The following SEPTIN7 variants were observed in gnomAD, a reference collection of about 807,000 sequenced individuals.
The protein encoded by SEPTIN7 is septin-7.
In SEPTIN7, 10 loss-of-function variants were observed where a neutral mutation model predicts 63.3. That is an observed-to-expected ratio of 0.16 (90% CI 0.10 to 0.27). SEPTIN7 has a LOEUF of 0.27. Among genes scored for constraint, SEPTIN7 ranks in the 10% least tolerant of loss-of-function variants. SEPTIN7 has a pLI of 1.00. For missense variants in SEPTIN7, 310 were observed against 521.0 expected, an observed-to-expected ratio of 0.59 and a Z score of 3.94; for synonymous variants, 131 against 165.3, an observed-to-expected ratio of 0.79 and a Z score of 1.59.
chr7:35,899,465 G>C (rs1175331119), intron 12 of SEPTIN7: 1 of 152,412 alleles, frequency 6.6e-6, no homozygotes, highest in Non-Finnish European at 1.5e-5. Context: ...AACCTGGGAG[G>C]CGGAGGTTGC....
chr7:35,860,439 A>G (rs1276810925), intron 3 of SEPTIN7, among the ~76,000 whole-genome samples: 1 of 151,986 alleles, frequency 6.6e-6, no homozygotes, highest in African/African-American at 2.4e-5. Context: ...CCTTTACGGG[A>G]TCTTTATATC....
chr7:35,909,837 T>G (rs1389997135), downstream of SEPTIN7, among the ~76,000 whole-genome samples: 3 of 152,268 alleles, frequency 2.0e-5, no homozygotes, highest in Non-Finnish European at 2.9e-5. Flanking sequence ...CAACAAAATT[T>G]AAACCACAAC....
intron 1 of SEPTIN7, among the ~76,000 whole-genome samples, chr7:35,820,595 T>C (rs896960467): frequency 5.3e-5 from 8 of 152,192 alleles, no homozygotes; most frequent in African/African-American, 1.7e-4. Context: ...TTTGATATTA[T>C]CTATTTGATG....
chr7:35,872,555 T>C, intron 4 of SEPTIN7, 111 bp from the exon 5 acceptor site: 2 of 743,974 alleles, frequency 2.7e-6, no homozygotes, highest in Non-Finnish European at 4.8e-6. Flanking sequence ...TTTAGTTTGC[T>C]AACAGTTTCC....
intron 3 of SEPTIN7, among the ~76,000 whole-genome samples, chr7:35,842,985 A>T (rs1447375351): frequency 6.6e-6 from 1 of 152,178 alleles, no homozygotes; most frequent in African/African-American, 2.4e-5. Context: ...TGCACACTTA[A>T]ATCTCCAATT....
chr7:35,889,392 A>G (rs1315445826), intron 10 of SEPTIN7, among the ~76,000 whole-genome samples: 5 of 152,200 alleles, frequency 3.3e-5, no homozygotes, highest in East Asian at 1.9e-4. Flanking sequence ...GGAGTCAACT[A>G]TCAGAGAATT....
At chr7:35,872,551 T>G in intron 4 of SEPTIN7, 115 bp from the exon 5 acceptor site, 1 of 720,018 alleles carries the variant, frequency 1.4e-6, no homozygotes, top group Non-Finnish European at 2.5e-6. Context: ...TAGATTTAGT[T>G]TGCTAACAGT....
chr7:35,903,965 G>A (rs1788476537), intron 13 of SEPTIN7, among the ~76,000 whole-genome samples: 1 of 152,140 alleles, frequency 6.6e-6, no homozygotes, highest in South Asian at 2.1e-4. Context: ...TTTTTAGTTT[G>A]TGCTGTTTCA....
At chr7:35,894,984 T>C (rs1376723336) in intron 11 of SEPTIN7, among the ~76,000 whole-genome samples, 1 of 152,156 alleles carries the variant, frequency 6.6e-6, no homozygotes, top group African/African-American at 2.4e-5. Flanking sequence ...AGCTAAATCA[T>C]TGGGGGTTTA....
chr7:35,849,397 C>T (rs1168598971), intron 3 of SEPTIN7, among the ~76,000 whole-genome samples: 2 of 152,120 alleles, frequency 1.3e-5, no homozygotes, highest in African/African-American at 4.8e-5. Flanking sequence ...AGATCCCTCA[C>T]ATGTGCAGTG....
intron 3 of SEPTIN7, among the ~76,000 whole-genome samples, chr7:35,860,295 A>G (rs1785436511): frequency 6.6e-6 from 1 of 152,102 alleles, no homozygotes; most frequent in Admixed American, 6.5e-5. Context: ...TTACATTATT[A>G]TACATTATGT....
intron 10 of SEPTIN7, among the ~76,000 whole-genome samples, chr7:35,890,363 T>C (rs1787556631): frequency 6.6e-6 from 1 of 151,792 alleles, no homozygotes; most frequent in Non-Finnish European, 1.5e-5. Flanking sequence ...AGTATTTAAA[T>C]AGATAATATA....
chr7:35,806,365 A>G (rs1788339808), intron 1 of SEPTIN7, among the ~76,000 whole-genome samples: 1 of 152,202 alleles, frequency 6.6e-6, no homozygotes, highest in Admixed American at 6.5e-5. Context: ...GACATAGAAC[A>G]TTATGCTAGG....
At chr7:35,816,663 G>A (rs781645604) in intron 1 of SEPTIN7, among the ~76,000 whole-genome samples, 63 of 152,262 alleles carry the variant, frequency 4.1e-4, no homozygotes, top group Admixed American at 7.9e-4. Flanking sequence ...CCTGACTGCC[G>A]AAGCAGCTGC....
At chr7:35,884,138 T>G (rs1787076280) in intron 9 of SEPTIN7, among the ~76,000 whole-genome samples, 151 bp downstream of exon 9, 1 of 152,206 alleles carries the variant, frequency 6.6e-6, no homozygotes, top group African/African-American at 2.4e-5. Context: ...AGTCTCAATT[T>G]TCTCTTTAAG....
rs1037871857 is a variant in SEPTIN7 at position 35,904,426 on chromosome 7, A to T, written c.*133A>T. 8 of 509,098 alleles carry T rather than the reference A, an allele frequency of 1.6e-5. No homozygotes were observed. The highest frequency in any genetic ancestry group is 4.3e-5 in the South Asian group (1 of 23,126). 31.5% of individuals were successfully genotyped at this position (509,098 alleles called of 1,614,324 possible). On this transcript the variant is annotated 3_prime_UTR_variant, in exon 14 of 14. Coordinates refer to ENST00000350320, the MANE Select transcript of SEPTIN7 (RefSeq NM_001788.6). ...TGGATTTAACAGCATGACAAAAATT[A>T]TTTTTTTTTTTGTTCTTGATGGAGA... is the stretch of plus-strand genomic sequence containing the variant.
chr7:35,902,113 TA>T (rs1788358388), intron 12 of SEPTIN7: 1 of 151,240 alleles, frequency 6.6e-6, no homozygotes, highest in South Asian at 2.1e-4. Flanking sequence ...ACCAGTGTAG[TA>T]AAATCTGTAA....
At chr7:35,835,101 C>A (rs1195759367) in intron 3 of SEPTIN7, among the ~76,000 whole-genome samples, 1 of 152,024 alleles carries the variant, frequency 6.6e-6, no homozygotes, top group Non-Finnish European at 1.5e-5. Flanking sequence ...CCCATATTTT[C>A]TGTCTTAAAG....
chr7:35,876,555 A>G (rs1786484073), intron 6 of SEPTIN7, among the ~76,000 whole-genome samples: 1 of 152,262 alleles, frequency 6.6e-6, no homozygotes, highest in South Asian at 2.1e-4. Flanking sequence ...GGATAGGTTC[A>G]GGCCAGATGC....
Sources: allele counts gnomAD v4.1 joint callset (sites outside exome capture counted in the v4.1 genomes callset), GRCh38; gene constraint gnomAD v4.1.1; transcripts MANE v1.5; gene names NCBI Gene and HGNC (gene_info 2026-07-23, HGNC 2026-07-21).